PTPRA: variants seen among roughly 807,000 people sequenced by gnomAD.
PTPRA encodes receptor-type tyrosine-protein phosphatase alpha.
In PTPRA, 25 loss-of-function variants were observed where a neutral mutation model predicts 104.8. That is an observed-to-expected ratio of 0.24 (90% CI 0.17 to 0.33). The LOEUF is 0.33. Among genes scored for constraint, PTPRA ranks in the 10% least tolerant of loss-of-function variants. The pLI is 1.00. For missense variants in PTPRA, 765 were observed against 1,015.3 expected (o/e 0.75, Z 3.35); for synonymous variants, 323 against 368.9 (o/e 0.88, Z 1.43).
At chr20:3,011,113 A>G (rs1044043205) in intron 11 of PTPRA, among the ~76,000 whole-genome samples, 3 of 152,204 alleles carry the variant, frequency 2.0e-5, no homozygotes, top group African/African-American at 4.8e-5. Context: ...TCCCTTGACC[A>G]TGTTTATTTA....
chr20:2,986,903 T>C (rs747288035), intron 7 of PTPRA, 54 bp downstream of exon 7: 2 of 1,482,748 alleles, frequency 1.3e-6, no homozygotes, highest in Admixed American at 3.3e-5. Context: ...TATCCCAGTG[T>C]CCCAATGAAC....
Position 2,891,347 on chromosome 20 carries a change from A to G in PTPRA, c.-129+17587A>G, listed in dbSNP as rs139439444. On this transcript the variant is annotated intron_variant, in intron 1 of 23. Coordinates refer to ENST00000399903, the MANE Select transcript of PTPRA (RefSeq NM_001385305.1). The stretch of plus-strand genomic sequence containing the variant: ...GTGAATAAAATCCAAACTCCTTAAC[A>G]GAGCAGGCCCTCATGATCCAACTCC... Among the ~76,000 whole-genome samples the G allele has an allele frequency of 2.6e-5, 4 of 152,308 alleles. No individual in the cohort carries two copies. The East Asian group carries it at 7.7e-4, about 29-fold the overall frequency.
intron 5 of PTPRA, among the ~76,000 whole-genome samples, chr20:2,972,837 C>T (rs2062248962): frequency 6.6e-6 from 1 of 151,996 alleles, no homozygotes. Flanking sequence ...CTCACCTCAG[C>T]CTCCCAAGTA....
intron 1 of PTPRA, among the ~76,000 whole-genome samples, chr20:2,888,385 C>A (rs936045449): frequency 6.6e-5 from 10 of 151,912 alleles, no homozygotes; most frequent in Admixed American, 2.6e-4. Flanking sequence ...CATAGTGAGA[C>A]CCTGCTTCTA....
chr20:2,897,537 G>A (rs758973342), intron 1 of PTPRA, among the ~76,000 whole-genome samples: 4 of 151,734 alleles, frequency 2.6e-5, no homozygotes, highest in South Asian at 2.1e-4. Context: ...ACAGGCACCC[G>A]CCATCATGCC....
At chr20:2,960,513 C>A (rs1568670556) in intron 3 of PTPRA, among the ~76,000 whole-genome samples, 1 of 151,960 alleles carries the variant, frequency 6.6e-6, no homozygotes, top group Non-Finnish European at 1.5e-5. Flanking sequence ...CCTCCCAAAG[C>A]TGGGATTACA....
At chr20:2,951,290 C>T (rs530527301) in intron 3 of PTPRA, among the ~76,000 whole-genome samples, 13 of 151,988 alleles carry the variant, frequency 8.6e-5, no homozygotes, top group Admixed American at 5.2e-4. Flanking sequence ...TTAGTAGAGA[C>T]GGGGTTTCAC....
chr20:2,996,040 C>T (rs1371009688), intron 9 of PTPRA, among the ~76,000 whole-genome samples: 1 of 152,230 alleles, frequency 6.6e-6, no homozygotes, highest in Non-Finnish European at 1.5e-5. Flanking sequence ...AACCCAGTAA[C>T]ATCACCCACG....
chr20:2,992,989 G>A (rs1039554033), intron 9 of PTPRA, among the ~76,000 whole-genome samples: 3 of 152,244 alleles, frequency 2.0e-5, no homozygotes, highest in Non-Finnish European at 4.4e-5. Flanking sequence ...GGAGGCTGAG[G>A]TGGGGTATTG....
At chr20:2,932,635 TG>T (rs1487869425) in intron 2 of PTPRA, among the ~76,000 whole-genome samples, 1 of 152,210 alleles carries the variant, frequency 6.6e-6, no homozygotes, top group African/African-American at 2.4e-5. Flanking sequence ...CATGTCCTCT[TG>T]TCAGCCATCT....
chr20:2,980,488 T>TG (rs2062626840), intron 6 of PTPRA, among the ~76,000 whole-genome samples: 1 of 151,718 alleles, frequency 6.6e-6, no homozygotes, highest in Non-Finnish European at 1.5e-5. Flanking sequence ...AGGAGGCCGT[T>TG]GCAGTGAACC....
Position 3,005,093 on chromosome 20 carries a change from C to G in PTPRA, c.776C>G (p.Ala259Gly). 6.2e-7 allele frequency: 1 copy of G among 1,612,100 alleles called. No homozygotes were observed. Among genetic ancestry groups the G allele is most frequent in the Non-Finnish European group, 8.5e-7 (1 of 1,178,152 alleles). Residue 259 changes from alanine to glycine, a missense_variant, in exon 10 of 24, where the codon GCT becomes GGT. Ala to Gly is a moderately conservative substitution (Grantham distance 60). Coordinates refer to ENST00000399903, the MANE Select transcript of PTPRA (RefSeq NM_001385305.1). ...PACPIQATCE[A>G]ASKEENKEKN... ...TGTCCTATCCAGGCCACCTGTGAGG[C>G]TGCTTCCAAGGAGGAAAACAAGGAA...
chr20:2,895,604 C>T (rs2058968075), intron 1 of PTPRA, among the ~76,000 whole-genome samples: 4 of 152,172 alleles, frequency 2.6e-5, no homozygotes, highest in African/African-American at 9.7e-5. Flanking sequence ...GCAAACTTAG[C>T]CTCCTGCGTT....
At chr20:3,011,855 T>C (rs917855536) in intron 11 of PTPRA, among the ~76,000 whole-genome samples, 1 of 152,224 alleles carries the variant, frequency 6.6e-6, no homozygotes, top group Non-Finnish European at 1.5e-5. Context: ...AGAGCAGCTA[T>C]AGATCTATGC....
chr20:2,954,832 TA>T (rs766368423), intron 3 of PTPRA, among the ~76,000 whole-genome samples: 89 of 152,346 alleles, frequency 5.8e-4, no homozygotes, highest in Non-Finnish European at 2.2e-4. Context: ...TTTTAGGACT[TA>T]AATTTAGGTT....
chr20:3,006,222 A>G (rs1376961905), intron 10 of PTPRA, among the ~76,000 whole-genome samples: 2 of 152,162 alleles, frequency 1.3e-5, no homozygotes, highest in Admixed American at 1.3e-4. Flanking sequence ...TTTTAGAGAC[A>G]GGGCCACCCA....
chr20:2,975,706 G>A (rs1258246183), intron 6 of PTPRA, among the ~76,000 whole-genome samples: 2 of 152,126 alleles, frequency 1.3e-5, no homozygotes, highest in African/African-American at 4.8e-5. Context: ...GGCCTGAGAT[G>A]TTGTGTCTGT....
At position 2,905,096 on chromosome 20, in the gene PTPRA, C is replaced by T. The variant is rs75111919; in HGVS notation, c.-128-18111C>T. Among the ~76,000 whole-genome samples the T allele has an allele frequency of 4.8e-3, 735 of 152,228 alleles. 7 individuals carry two copies. Among genetic ancestry groups the T allele is most frequent in the African/African-American group, 0.017 (691 of 41,520 alleles). ...ATTAGATTTTCATAGGAGCACAAAC[C>T]CTACTGCGAACTGTACACTCCAGGG... On this transcript the variant is annotated intron_variant, in intron 1 of 23. Coordinates refer to ENST00000399903, the MANE Select transcript of PTPRA (RefSeq NM_001385305.1).
chr20:3,023,002 G>GA (rs908353633), intron 16 of PTPRA, among the ~76,000 whole-genome samples, 178 bp downstream of exon 16: 1 of 152,228 alleles, frequency 6.6e-6, no homozygotes, highest in Non-Finnish European at 1.5e-5. Context: ...GAAGACACGA[G>GA]AAACTCCATT....
Sources: gnomAD v4.1 joint callset for allele counts (sites outside exome capture counted in the v4.1 genomes callset) on GRCh38, gnomAD v4.1.1 for gene constraint, MANE v1.5 for transcripts, NCBI Gene and HGNC (gene_info 2026-07-23, HGNC 2026-07-21) for gene names.